Variants in MYOF observed in about 807,000 individuals in gnomAD.
MYOF encodes the protein myoferlin.
A neutral mutation model predicts 284.2 loss-of-function variants in MYOF; 244 were observed. The ratio of observed to expected loss-of-function variants is 0.86; its 90% CI spans 0.77 to 0.95. The LOEUF (loss-of-function observed/expected upper bound fraction) is 0.95. Among genes scored for constraint, MYOF ranks in the 40% least tolerant of loss-of-function variants. MYOF has a pLI of 0.00. For missense variants in MYOF, 2,496 were observed against 2,560.6 expected, an observed-to-expected ratio of 0.97 and a Z score of 0.54; for synonymous variants, 904 against 919.7, an observed-to-expected ratio of 0.98 and a Z score of 0.31.
chr10:93,307,836 G>T (rs1476296044), intron 53 of MYOF, among the ~76,000 whole-genome samples: 1 of 149,452 alleles, frequency 6.7e-6, no homozygotes, highest in Non-Finnish European at 1.5e-5. Context: ...TGTTGGTCAG[G>T]CTGGTCTCAA....
rs189341550 is a variant in MYOF at position 93,381,694 on chromosome 10, G to T, written c.1699-298C>A. On this transcript the variant is annotated intron_variant, in intron 19 of 53. Transcript: ENST00000359263. ...GTTATATCCATAAAATAGAATGAAG[G>T]TTCATAAAAAGACTTAATTAGGTCC... Among the ~76,000 whole-genome samples, 810 of 152,210 alleles carry T rather than the reference G, an allele frequency of 5.3e-3. 1 individual carries two copies. Among genetic ancestry groups the T allele is most frequent in the Non-Finnish European group, 8.8e-3 (599 of 68,022 alleles).
chr10:93,332,739 C>T (rs997751294), intron 43 of MYOF, among the ~76,000 whole-genome samples: 3 of 151,758 alleles, frequency 2.0e-5, no homozygotes, highest in Non-Finnish European at 4.4e-5. Flanking sequence ...CCCAGCTACT[C>T]GGGAGGCTGA....
chr10:93,396,341 TTC>T (rs1428534011), intron 15 of MYOF, 117 bp from the exon 16 acceptor site: 1 of 696,710 alleles, frequency 1.4e-6, no homozygotes, highest in Non-Finnish European at 2.2e-6. Flanking sequence ...TACCCCAGAC[TTC>T]AGAAATAATC....
Position 93,333,895 on chromosome 10 carries a change from G to A in MYOF, c.4582C>T (p.Pro1528Ser), listed in dbSNP as rs1368630891. The change falls in exon 42 of 54, where the codon CCT becomes TCT. Residue 1528 changes from proline (P) to serine (S), a missense_variant. Physicochemically the swap from Pro to Ser is moderately conservative, Grantham distance 74 (BLOSUM62 -1). Coordinates refer to ENST00000359263, the MANE Select transcript of MYOF (RefSeq NM_013451.4). ...GGCACGCTGGGGTCATCCGGCAGAG[G>A]GTAGATCCGAAAGGAGCCCTAAAAG... ...GEFKGSFRIYPLPDDPSVPAP... is the reference protein window; with the variant it reads ...GEFKGSFRIYSLPDDPSVPAP... 1.9e-6 allele frequency: 3 copies of A among 1,613,948 alleles called. No individual in the cohort carries two copies. The highest frequency in any genetic ancestry group is 2.5e-6 in the Non-Finnish European group (3 of 1,179,964).
chr10:93,365,297 A>G (rs1845277464), intron 26 of MYOF, among the ~76,000 whole-genome samples: 2 of 152,258 alleles, frequency 1.3e-5, no homozygotes, highest in Admixed American at 6.5e-5. Flanking sequence ...GGCTGCTGTC[A>G]TAAGATGGCA....
intron 2 of MYOF, among the ~76,000 whole-genome samples, chr10:93,452,567 AG>A (rs1192374145): frequency 5.8e-5 from 4 of 68,804 alleles, no homozygotes; most frequent in South Asian, 6.3e-4. Flanking sequence ...GGGTGGGGGG[AG>A]GGGGGAGGGA....
intron 5 of MYOF, among the ~76,000 whole-genome samples, chr10:93,417,958 C>T (rs557172257): frequency 6.6e-6 from 1 of 152,122 alleles, no homozygotes; most frequent in African/African-American, 2.4e-5. Context: ...TCATCACACC[C>T]AGCTAACTAT....
chr10:93,374,166 C>T (rs1589459821), intron 23 of MYOF, among the ~76,000 whole-genome samples: 1 of 152,196 alleles, frequency 6.6e-6, no homozygotes, highest in East Asian at 1.9e-4. Context: ...CCACCTTCAT[C>T]CATGTCCCTG....
At chr10:93,312,098 GGTT>G (rs1374132180) in intron 51 of MYOF, among the ~76,000 whole-genome samples, 4 of 152,176 alleles carry the variant, frequency 2.6e-5, no homozygotes, top group African/African-American at 9.7e-5. Flanking sequence ...TATACACCAA[GGTT>G]GTTTTTAAAA....
At chr10:93,310,706 C>T in intron 51 of MYOF, 63 bp from the exon 52 acceptor site, 4 of 1,448,702 alleles carry the variant, frequency 2.8e-6, no homozygotes, top group Non-Finnish European at 3.9e-6. Flanking sequence ...TTTACTTCAA[C>T]CCAAGGAGTA....
chr10:93,430,136 A>T (rs572081383), intron 4 of MYOF, among the ~76,000 whole-genome samples: 54 of 151,680 alleles, frequency 3.6e-4, no homozygotes, highest in Non-Finnish European at 7.1e-4. Flanking sequence ...GGGTTTCACC[A>T]TGTTAGCCAG....
At chr10:93,357,763 A>T (rs1190551726) in intron 29 of MYOF, among the ~76,000 whole-genome samples, 1 of 152,212 alleles carries the variant, frequency 6.6e-6, no homozygotes, top group African/African-American at 2.4e-5. Flanking sequence ...CATAGCCAAG[A>T]GTAAGGCAGG....
rs989872821 is a variant in MYOF, at chr10:93,313,038, A to G, written c.5871T>C (p.Asp1957=). ...TTCATACAGCCATTACGCGGGCGCC[A>G]TCTTTCTCTGCGTAGCATGGCCACC... ...KGWWPCYAEK[D]GARVMAGKVE... is the part of the protein sequence containing the mutation. The change falls in exon 51 of 54, where the codon GAT becomes GAC. Residue 1957 remains aspartate (D), a synonymous_variant. Transcript: ENST00000359263. 3 of 1,611,232 alleles carry G rather than the reference A, an allele frequency of 1.9e-6. No individual in the cohort carries two copies. The highest frequency in any genetic ancestry group is 2.7e-5 in the African/African-American group (2 of 74,808).
At chr10:93,391,328 C>A (rs1299655064) in intron 17 of MYOF, among the ~76,000 whole-genome samples, 1 of 151,756 alleles carries the variant, frequency 6.6e-6, no homozygotes, top group Non-Finnish European at 1.5e-5. Context: ...TGGTGGCTCA[C>A]GCCTGTAATC....
intron 12 of MYOF, among the ~76,000 whole-genome samples, chr10:93,400,797 A>G (rs1242338791): frequency 1.3e-5 from 2 of 151,942 alleles, no homozygotes; most frequent in Non-Finnish European, 2.9e-5. Flanking sequence ...TATATTTCAT[A>G]ATACAATAGT....
At chr10:93,365,537 G>C (rs1341052359) in intron 26 of MYOF, among the ~76,000 whole-genome samples, 1 of 152,014 alleles carries the variant, frequency 6.6e-6, no homozygotes, top group South Asian at 2.1e-4. Context: ...TACTGGTTTG[G>C]GTGCCCACGC....
intron 43 of MYOF, 140 bp downstream of exon 43, chr10:93,333,081 C>G: frequency 1.4e-6 from 1 of 698,196 alleles, no homozygotes; most frequent in African/African-American, 1.8e-5. Context: ...CTATTTATTA[C>G]CTGCTCCCCT....
intron 31 of MYOF, among the ~76,000 whole-genome samples, chr10:93,354,674 T>TCTCC (rs1171360743): frequency 1.3e-5 from 2 of 150,648 alleles, no homozygotes; most frequent in Non-Finnish European, 3.0e-5. Context: ...TCACTCTCTC[T>TCTCC]CTCTCTCTCT....
intron 41 of MYOF, among the ~76,000 whole-genome samples, chr10:93,335,657 C>G (rs1453318936): frequency 7.1e-6 from 1 of 141,164 alleles, no homozygotes; most frequent in Admixed American, 7.1e-5. Flanking sequence ...AGCAGGGAGG[C>G]AGGAAGAGAT....
Sources: allele counts gnomAD v4.1 joint callset (sites outside exome capture counted in the v4.1 genomes callset), GRCh38; gene constraint gnomAD v4.1.1; transcripts MANE v1.5; gene names NCBI Gene and HGNC (gene_info 2026-07-23, HGNC 2026-07-21).